RORA: variants seen among roughly 807,000 people sequenced by gnomAD.
The protein encoded by RORA is nuclear receptor ROR-alpha.
In RORA, 7 loss-of-function variants were observed where a neutral mutation model predicts 69.5. The observed-to-expected ratio is 0.10, with a 90% CI of 0.06 to 0.19. The LOEUF (loss-of-function observed/expected upper bound fraction) is 0.19, where lower values mean the gene tolerates loss of function less well. RORA is among the 10% of genes least tolerant of loss of function. The probability of loss-of-function intolerance (pLI) is 1.00; values close to 1 mark genes in which losing one functional copy is unlikely to be tolerated. For missense variants in RORA, 457 were observed against 663.0 expected, an observed-to-expected ratio of 0.69 and a Z score of 3.41; for synonymous variants, 261 against 240.8, an observed-to-expected ratio of 1.08 and a Z score of -0.78.
chr15:60,694,872 C>T (rs2070879647), intron 1 of RORA, among the ~76,000 whole-genome samples: 1 of 152,204 alleles, frequency 6.6e-6, no homozygotes, highest in African/African-American at 2.4e-5. Flanking sequence ...TTCAGGTCTA[C>T]AGGGCCAGAA....
chr15:61,137,562 A>AG (rs1030509913), intron 1 of RORA, among the ~76,000 whole-genome samples: 5 of 4,852 alleles, frequency 1.0e-3, no homozygotes, highest in African/African-American at 1.1e-3. Context: ...AGCTTGCAGC[A>AG]GCAGTCACAG....
At chr15:61,161,252 A>C (rs1044472770) in intron 1 of RORA, among the ~76,000 whole-genome samples, 1 of 152,136 alleles carries the variant, frequency 6.6e-6, no homozygotes, top group Non-Finnish European at 1.5e-5. Context: ...ATCTTTCTGA[A>C]TTTTTTTGAG....
At chr15:60,879,011 C>T (rs902924885) in intron 1 of RORA, among the ~76,000 whole-genome samples, 1 of 152,220 alleles carries the variant, frequency 6.6e-6, no homozygotes, top group Non-Finnish European at 1.5e-5. Flanking sequence ...CTGAAGACCT[C>T]CATGACCTTT....
chr15:60,611,559 C>CAAAAAAAAAA (rs533598270), intron 2 of RORA, among the ~76,000 whole-genome samples: 3,334 of 35,802 alleles, frequency 0.093, 1,278 homozygotes, highest in Middle Eastern at 0.12. Context: ...TTGAGTTTTG[C>CAAAAAAAAAA]AAAAAAAAAA....
At chr15:61,217,933 AG>A (rs950210743) in intron 1 of RORA, among the ~76,000 whole-genome samples, 12 of 152,126 alleles carry the variant, frequency 7.9e-5, no homozygotes, top group African/African-American at 2.7e-4. Flanking sequence ...AGTCATAATG[AG>A]TAACACCTGG....
At chr15:60,922,350 T>C (rs376110266) in intron 1 of RORA, among the ~76,000 whole-genome samples, 1 of 152,104 alleles carries the variant, frequency 6.6e-6, no homozygotes, top group African/African-American at 2.4e-5. Context: ...TGTTGGTTCA[T>C]TGATTATAAC....
chr15:60,837,627 C>T (rs371921921), intron 1 of RORA, among the ~76,000 whole-genome samples: 1 of 152,294 alleles, frequency 6.6e-6, no homozygotes, highest in African/African-American at 2.4e-5. Flanking sequence ...AGTCATGTCT[C>T]AGGCTGGCCT....
chr15:61,119,708 A>T (rs1171472634), intron 1 of RORA, among the ~76,000 whole-genome samples: 1 of 152,102 alleles, frequency 6.6e-6, no homozygotes, highest in Admixed American at 6.6e-5. Context: ...CCTGTCCCCA[A>T]CCACAGTTAT....
intron 1 of RORA, among the ~76,000 whole-genome samples, chr15:61,053,862 T>TATATAA (rs950408568): frequency 5.0e-5 from 7 of 140,888 alleles, no homozygotes; most frequent in African/African-American, 1.8e-4. Flanking sequence ...TATATATATA[T>TATATAA]AAACATTCTT....
At chr15:60,509,994 T>G (rs2065644330) in intron 5 of RORA, among the ~76,000 whole-genome samples, 1 of 152,176 alleles carries the variant, frequency 6.6e-6, no homozygotes, top group Non-Finnish European at 1.5e-5. Context: ...AACATTCAAT[T>G]TGTTCTATTT....
At chr15:60,576,518 C>G (rs911212101) in intron 2 of RORA, among the ~76,000 whole-genome samples, 2 of 152,198 alleles carry the variant, frequency 1.3e-5, no homozygotes, top group African/African-American at 2.4e-5. Flanking sequence ...AAATTAAGGA[C>G]AAGTATTTGG....
chr15:60,826,663 T>C (rs1283806847), intron 1 of RORA, among the ~76,000 whole-genome samples: 7 of 150,842 alleles, frequency 4.6e-5, no homozygotes, highest in Non-Finnish European at 1.0e-4. Flanking sequence ...TTTTTTTTTT[T>C]CCCATGGAGG....
At chr15:61,216,587 C>G (rs2080042745) in intron 1 of RORA, among the ~76,000 whole-genome samples, 1 of 151,942 alleles carries the variant, frequency 6.6e-6, no homozygotes, top group Non-Finnish European at 1.5e-5. Flanking sequence ...CTGAGAGCAC[C>G]AGGGCAAGGT....
At chr15:60,766,030 A>G (rs1318433118) in intron 1 of RORA, among the ~76,000 whole-genome samples, 4 of 152,204 alleles carry the variant, frequency 2.6e-5, no homozygotes, top group Non-Finnish European at 5.9e-5. Context: ...AGAAGGTTTT[A>G]ATGAATGGCT....
intron 1 of RORA, among the ~76,000 whole-genome samples, chr15:60,792,886 C>T (rs1005346516): frequency 8.5e-5 from 13 of 152,066 alleles, no homozygotes; most frequent in Non-Finnish European, 1.3e-4. Context: ...TTAATTTTTC[C>T]AGTGGGTAGC....
chr15:60,625,824 G>T (rs144452651), intron 2 of RORA, among the ~76,000 whole-genome samples: 1 of 152,210 alleles, frequency 6.6e-6, no homozygotes, highest in South Asian at 2.1e-4. Flanking sequence ...AAGGCATAAG[G>T]CTTACACCTC....
intron 1 of RORA, among the ~76,000 whole-genome samples, chr15:60,945,066 T>A (rs1892828611): frequency 6.6e-6 from 1 of 152,154 alleles, no homozygotes; most frequent in Non-Finnish European, 1.5e-5. Flanking sequence ...CTGATTGGCT[T>A]AAGAGCAGAG....
chr15:60,905,325 T>A lies in RORA; in HGVS notation c.167-226639A>T, dbSNP rs1043716150. On this transcript the variant is annotated intron_variant, in intron 1 of 10. Coordinates refer to ENST00000335670, the MANE Select transcript of RORA (RefSeq NM_134261.3). The surrounding 1 kb of genome is among the most constrained non-coding windows in gnomAD (Gnocchi z 4.8). ...AGGTTCCTTAATTTGCATCGTTATA[T>A]GAGTGCAAAGCATGATGATAAAATA... Among the ~76,000 whole-genome samples the A allele has an allele frequency of 3.3e-5, 5 of 152,226 alleles. No individual in the cohort carries two copies. The highest frequency in any genetic ancestry group is 7.3e-5 in the Non-Finnish European group (5 of 68,040).
Position 61,114,782 on chromosome 15 carries a change from G to A in RORA, c.166+114271C>T, listed in dbSNP as rs575156156. The stretch of plus-strand genomic sequence containing the variant: ...CAGCCCAAGCAAGTGCACTCCTTCT[G>A]ATTTAGAGACCCAACCGATATTTGC... On this transcript the variant is annotated intron_variant, in intron 1 of 10. Coordinates refer to ENST00000335670, the MANE Select transcript of RORA (RefSeq NM_134261.3). Among the ~76,000 whole-genome samples the A allele has an allele frequency of 2.6e-5, 4 of 152,248 alleles. 2 individuals are homozygous for A. In the South Asian group the frequency reaches 8.3e-4, roughly 32 times the overall value.
Sources: allele counts gnomAD v4.1 joint callset (sites outside exome capture counted in the v4.1 genomes callset), GRCh38; gene constraint gnomAD v4.1.1; non-coding constraint Gnocchi (gnomAD v3.1); transcripts MANE v1.5; gene names NCBI Gene and HGNC (gene_info 2026-07-23, HGNC 2026-07-21).